Variants in FGF1 observed in about 807,000 individuals in gnomAD.
FGF1 encodes the protein beta-endothelial cell growth factor.
Under a neutral mutation model 13.4 loss-of-function variants are expected in FGF1, and 9 were observed. The observed-to-expected ratio is 0.67, with a 90% CI of 0.40 to 1.17. FGF1 has a LOEUF of 1.17. FGF1 is among the 50% of genes most tolerant of loss of function. The pLI is 0.01. For missense variants in FGF1, 156 were observed against 192.7 expected (o/e 0.81, Z 1.13); for synonymous variants, 93 against 79.0 (o/e 1.18, Z -0.94).
intron 1 of FGF1, among the ~76,000 whole-genome samples, chr5:142,646,207 C>T (rs1266210501): frequency 5.3e-5 from 5 of 93,806 alleles, no homozygotes; most frequent in African/African-American, 2.1e-4. Context: ...CCGCACCTGG[C>T]CTTTTTTTTT....
At chr5:142,678,127 G>A (rs1179119170) in intron 1 of FGF1, among the ~76,000 whole-genome samples, 4 of 152,122 alleles carry the variant, frequency 2.6e-5, no homozygotes, top group African/African-American at 9.7e-5. Flanking sequence ...TTGGTGTGAT[G>A]TCGGATGGGT....
chr5:142,650,980 C>T (rs554378495), intron 1 of FGF1, among the ~76,000 whole-genome samples: 1 of 152,216 alleles, frequency 6.6e-6, no homozygotes, highest in East Asian at 1.9e-4. Context: ...GTGCACACAG[C>T]CCAAATCAAC....
chr5:142,667,661 G>C (rs1310165541), intron 1 of FGF1, among the ~76,000 whole-genome samples: 1 of 152,062 alleles, frequency 6.6e-6, no homozygotes, highest in Non-Finnish European at 1.5e-5. Flanking sequence ...GGCTGATGGG[G>C]AGAGAGAAAG....
chr5:142,603,073 C>T (rs1002291385), intron 2 of FGF1, among the ~76,000 whole-genome samples: 1 of 152,112 alleles, frequency 6.6e-6, no homozygotes, highest in Non-Finnish European at 1.5e-5. Flanking sequence ...CACGGGTCCT[C>T]CTAGGAATGG....
chr5:142,650,393 C>A (rs147837089), intron 1 of FGF1, among the ~76,000 whole-genome samples: 2 of 152,320 alleles, frequency 1.3e-5, no homozygotes, highest in East Asian at 3.9e-4. Context: ...GATAACCTGG[C>A]CTCACCACTC....
rs79705334 is a variant in FGF1, at chr5:142,610,520, C to T, written c.169+3439G>A. ...CCCTGGACCTGATCTTCTTCCAGGA[C>T]CTCCCCCTCTCATGGTGACACCACT... On this transcript the variant is annotated intron_variant, in intron 2 of 3. Transcript: ENST00000337706. Among the ~76,000 whole-genome samples, 271 of 152,288 alleles carry T rather than the reference C, an allele frequency of 1.8e-3. 1 individual carries two copies. The highest frequency in any genetic ancestry group is 6.4e-3 in the African/African-American group (264 of 41,550).
At position 142,675,276 on chromosome 5, in the gene FGF1, C is replaced by T. The variant is rs188801920; in HGVS notation, c.-35+10681G>A. Among the ~76,000 whole-genome samples, 738 of 152,224 alleles carry T rather than the reference C, an allele frequency of 4.8e-3. 6 individuals carry two copies. The highest frequency in any genetic ancestry group is 6.1e-3 in the Non-Finnish European group (416 of 67,994). ...CTTCAGGCCTTAATGAGAGGCCTAA[C>T]GACCCAGGGGAGCAGCAAGTGAAAA... is the stretch of plus-strand genomic sequence containing the variant. On this transcript the variant is annotated intron_variant, in intron 1 of 3. Coordinates refer to ENST00000337706, the MANE Select transcript of FGF1 (RefSeq NM_000800.5).
At chr5:142,674,682 C>T (rs1346905230) in intron 1 of FGF1, among the ~76,000 whole-genome samples, 2 of 152,106 alleles carry the variant, frequency 1.3e-5, no homozygotes, top group African/African-American at 2.4e-5. Flanking sequence ...GACCAATGCA[C>T]GACTCCCGAT....
intron 1 of FGF1, among the ~76,000 whole-genome samples, chr5:142,629,374 G>A (rs1039702123): frequency 3.3e-5 from 5 of 152,044 alleles, no homozygotes; most frequent in East Asian, 1.9e-4. Flanking sequence ...ATGTTGCCCC[G>A]GCTGGTCTTC....
chr5:142,642,496 A>G (rs1765358821), intron 1 of FGF1, among the ~76,000 whole-genome samples: 1 of 152,222 alleles, frequency 6.6e-6, no homozygotes, highest in Non-Finnish European at 1.5e-5. Context: ...CTGACTCCCA[A>G]CACAAAGCAG....
At chr5:142,613,374 C>T (rs1759492725) in intron 2 of FGF1, among the ~76,000 whole-genome samples, 1 of 152,272 alleles carries the variant, frequency 6.6e-6, no homozygotes, top group Non-Finnish European at 1.5e-5. Flanking sequence ...GTCGCTCCTA[C>T]TCTCCAGTTT....
intron 3 of FGF1, among the ~76,000 whole-genome samples, chr5:142,599,654 C>T (rs559455449): frequency 2.0e-5 from 3 of 152,328 alleles, no homozygotes; most frequent in Admixed American, 6.5e-5. Context: ...AGCTGTCTCT[C>T]CAGTTAACTC....
At chr5:142,696,813 C>T (rs1753181424) in intron 2 of FGF1, among the ~76,000 whole-genome samples, 1 of 152,188 alleles carries the variant, frequency 6.6e-6, no homozygotes, top group African/African-American at 2.4e-5. Flanking sequence ...CAAGTAATGA[C>T]CTTGTTCCTA....
chr5:142,639,284 A>G (rs1764776814), intron 1 of FGF1, among the ~76,000 whole-genome samples: 1 of 152,038 alleles, frequency 6.6e-6, no homozygotes, highest in South Asian at 2.1e-4. Context: ...GTCCATTTAC[A>G]GATGAAATGG....
chr5:142,650,328 T>C (rs1767000261), intron 1 of FGF1, among the ~76,000 whole-genome samples: 1 of 152,176 alleles, frequency 6.6e-6, no homozygotes, highest in Non-Finnish European at 1.5e-5. Context: ...TTGCAAAAGG[T>C]TCAGAAAGAC....
chr5:142,598,796 G>A (rs1056765027), intron 3 of FGF1, among the ~76,000 whole-genome samples: 20 of 152,196 alleles, frequency 1.3e-4, no homozygotes, highest in African/African-American at 4.8e-4. Flanking sequence ...TTGTAGTGAT[G>A]GCCACGGCTA....
At chr5:142,651,576 C>T (rs1597332401) in intron 1 of FGF1, among the ~76,000 whole-genome samples, 3 of 152,128 alleles carry the variant, frequency 2.0e-5, no homozygotes. Flanking sequence ...TGTATAGTGA[C>T]GTATATCTAC....
chr5:142,603,718 G>T (rs776601905), intron 2 of FGF1, among the ~76,000 whole-genome samples: 1 of 152,192 alleles, frequency 6.6e-6, no homozygotes, highest in Admixed American at 6.5e-5. Context: ...ACTCTCTGAG[G>T]GGGGCAGTAA....
intron 1 of FGF1, among the ~76,000 whole-genome samples, chr5:142,654,393 A>G (rs892737457): frequency 2.0e-5 from 3 of 152,226 alleles, no homozygotes; most frequent in African/African-American, 7.2e-5. Flanking sequence ...AGAGAACGTT[A>G]GCTTTAAGAA....
Sources: gnomAD v4.1 joint callset for allele counts (sites outside exome capture counted in the v4.1 genomes callset) on GRCh38, gnomAD v4.1.1 for gene constraint, MANE v1.5 for transcripts, NCBI Gene and HGNC (gene_info 2026-07-23, HGNC 2026-07-21) for gene names.